ADAM32: variants seen among roughly 807,000 people sequenced by gnomAD.
The protein encoded by ADAM32 is disintegrin and metalloproteinase domain-containing protein 32.
In ADAM32, 89 loss-of-function variants were observed where a neutral mutation model predicts 114.9. The ratio of observed to expected loss-of-function variants is 0.77; its 90% CI spans 0.65 to 0.92. The LOEUF (loss-of-function observed/expected upper bound fraction) is 0.92. Among genes scored for constraint, ADAM32 ranks in the 40% least tolerant of loss-of-function variants. ADAM32 has a pLI of 0.00. For missense variants in ADAM32, 870 were observed against 932.8 expected, an observed-to-expected ratio of 0.93 and a Z score of 0.88; for synonymous variants, 285 against 307.5, an observed-to-expected ratio of 0.93 and a Z score of 0.77.
chr8:39,260,056 T>A (rs1434533444), intron 19 of ADAM32, among the ~76,000 whole-genome samples: 1 of 152,194 alleles, frequency 6.6e-6, no homozygotes, highest in Non-Finnish European at 1.5e-5. Flanking sequence ...TCAATTATCT[T>A]TTTTCCCTTA....
At chr8:39,225,579 G>T (rs1585584646) in intron 14 of ADAM32, among the ~76,000 whole-genome samples, 1 of 152,220 alleles carries the variant, frequency 6.6e-6, no homozygotes, top group Non-Finnish European at 1.5e-5. Context: ...AGAGATTGAG[G>T]GCCCCAGGAT....
At chr8:39,282,860 T>C (rs560517241) in intron 23 of ADAM32, among the ~76,000 whole-genome samples, 1 of 152,258 alleles carries the variant, frequency 6.6e-6, no homozygotes, top group East Asian at 1.9e-4. Context: ...AGATAACTAA[T>C]TATATTAAAT....
chr8:39,268,574 T>C (rs1740345714), intron 19 of ADAM32, among the ~76,000 whole-genome samples: 2 of 152,216 alleles, frequency 1.3e-5, no homozygotes, highest in Non-Finnish European at 2.9e-5. Context: ...TAGCAATCTT[T>C]AGAGCAAATG....
intron 6 of ADAM32, among the ~76,000 whole-genome samples, chr8:39,158,998 TG>T (rs1303936688): frequency 1.3e-5 from 2 of 152,226 alleles, no homozygotes; most frequent in Non-Finnish European, 2.9e-5. Flanking sequence ...TTACATTATT[TG>T]TCTAGTAAGT....
chr8:39,207,309 C>T (rs1807908892), intron 11 of ADAM32, among the ~76,000 whole-genome samples: 1 of 152,126 alleles, frequency 6.6e-6, no homozygotes, highest in Non-Finnish European at 1.5e-5. Flanking sequence ...CTCCCCTACT[C>T]AGCCATTTTG....
rs1802826836 is a variant in ADAM32 at position 39,136,705 on chromosome 8, C to T, written c.187C>T (p.His63Tyr). The change falls in exon 3 of 25, where the codon CAC (histidine) becomes TAC (tyrosine). Residue 63 changes from histidine to tyrosine, a missense_variant. Coordinates refer to ENST00000379907, the MANE Select transcript of ADAM32 (RefSeq NM_145004.7). Reference protein sequence around the residue: ...IPIDEKLYTVHLKQRYFLADN... With the variant: ...IPIDEKLYTVYLKQRYFLADN... ...AATAGATGAGAAACTGTACACTGTG[C>T]ACCTTAAACAAAGGTAAATTTTTAT... 3.3e-6 allele frequency: 5 copies of T among 1,526,540 alleles called. No homozygotes were observed. Among genetic ancestry groups the T allele is most frequent in the Admixed American group, 2.2e-5 (1 of 46,240 alleles). The allele number at this position is 1,526,540 out of a possible 1,614,324, so 94.6% of individuals were successfully genotyped here.
intron 16 of ADAM32, among the ~76,000 whole-genome samples, chr8:39,237,185 G>GA (rs910584995): frequency 2.3e-4 from 35 of 152,180 alleles, no homozygotes; most frequent in African/African-American, 8.2e-4. Flanking sequence ...GAAGCAGCGG[G>GA]AAGAGCCTTG....
intron 5 of ADAM32, among the ~76,000 whole-genome samples, chr8:39,150,701 G>T (rs1456656642): frequency 6.6e-6 from 1 of 152,008 alleles, no homozygotes; most frequent in African/African-American, 2.4e-5. Context: ...CCTGAAATTT[G>T]GATCTGAAAT....
upstream of ADAM32, chr8:39,107,559 CG>C: frequency 1.5e-6 from 2 of 1,336,750 alleles, no homozygotes; most frequent in Non-Finnish European, 2.0e-6. Context: ...GGCTGGGGTG[CG>C]CCGGGAAGGG....
At chr8:39,159,682 C>T (rs1447039451) in intron 6 of ADAM32, among the ~76,000 whole-genome samples, 1 of 152,188 alleles carries the variant, frequency 6.6e-6, no homozygotes, top group Admixed American at 6.5e-5. Context: ...ATAAACACTG[C>T]CTTGGAGTCC....
intron 10 of ADAM32, among the ~76,000 whole-genome samples, chr8:39,178,648 G>T (rs911274851): frequency 6.6e-6 from 1 of 152,072 alleles, no homozygotes; most frequent in African/African-American, 2.4e-5. Context: ...CATCTTTGTG[G>T]GCTATCTACC....
rs376272670 is a variant in ADAM32, at chr8:39,169,958, A to G, written c.876A>G (p.Gly292=). 1.0e-5 allele frequency: 16 copies of G among 1,602,368 alleles called. No homozygotes were observed. In the African/African-American group the frequency reaches 1.9e-4, roughly 19 times the overall value. Residue 292 remains glycine, a synonymous_variant, in exon 10 of 25, where the codon GGA becomes GGG. Transcript: ENST00000379907. ...YPRYLGAVFP[G]TMCITRYSAG... ...GTTATTTGGGAGCAGTGTTTCCTGG[A>G]ACAATGTGTATTACTCGTTATTCTG... is the stretch of plus-strand genomic sequence containing the variant.
intron 2 of ADAM32, among the ~76,000 whole-genome samples, chr8:39,135,873 T>A (rs1490782133): frequency 6.6e-6 from 1 of 152,176 alleles, no homozygotes; most frequent in African/African-American, 2.4e-5. Flanking sequence ...AGTTGAGTTA[T>A]CACCAATAAT....
intron 2 of ADAM32, among the ~76,000 whole-genome samples, chr8:39,125,550 G>A (rs1186935726): frequency 6.6e-6 from 1 of 152,010 alleles, no homozygotes; most frequent in Non-Finnish European, 1.5e-5. Flanking sequence ...TCATCCTAGG[G>A]GTACTCGATT....
chr8:39,157,969 T>A (rs1044242747), intron 6 of ADAM32: 2 of 323,382 alleles, frequency 6.2e-6, no homozygotes, highest in Admixed American at 4.0e-5. Context: ...TGCCCCAATA[T>A]AGGCAACCTT....
chr8:39,246,479 C>A (rs941729219), intron 17 of ADAM32, among the ~76,000 whole-genome samples: 4 of 152,156 alleles, frequency 2.6e-5, no homozygotes, highest in Non-Finnish European at 5.9e-5. Context: ...ATTCCTGTGT[C>A]TGTGAATACA....
At chr8:39,150,015 C>A (rs970322818) in intron 5 of ADAM32, 148 bp downstream of exon 5, 2 of 530,084 alleles carry the variant, frequency 3.8e-6, no homozygotes, top group Non-Finnish European at 6.3e-6. Flanking sequence ...GTTTCCAATT[C>A]TCTTATTTCT....
intron 2 of ADAM32, among the ~76,000 whole-genome samples, chr8:39,122,862 C>T (rs1801860685): frequency 6.6e-6 from 1 of 152,210 alleles, no homozygotes; most frequent in African/African-American, 2.4e-5. Context: ...AGCCACCACA[C>T]CTGGTCCTAA....
chr8:39,193,743 T>A (rs539859072), intron 11 of ADAM32, among the ~76,000 whole-genome samples: 1 of 152,122 alleles, frequency 6.6e-6, no homozygotes, highest in Non-Finnish European at 1.5e-5. Flanking sequence ...ACTGGCTTTG[T>A]TTTGGAAGAT....
Sources: allele counts gnomAD v4.1 joint callset (sites outside exome capture counted in the v4.1 genomes callset), GRCh38; gene constraint gnomAD v4.1.1; transcripts MANE v1.5; gene names NCBI Gene and HGNC (gene_info 2026-07-23, HGNC 2026-07-21).